ARHGAP18: variants seen among roughly 807,000 people sequenced by gnomAD.
The protein encoded by ARHGAP18 is Rho GTPase activating protein 18.
A neutral mutation model predicts 86.2 loss-of-function variants in ARHGAP18; 67 were observed. The observed-to-expected ratio is 0.78, with a 90% confidence interval of 0.64 to 0.95. The LOEUF (loss-of-function observed/expected upper bound fraction) is 0.95. Ranked by LOEUF, ARHGAP18 falls within the 40% of genes least tolerant of loss-of-function variation. ARHGAP18 has a pLI of 0.00. For synonymous variants in ARHGAP18, 283 were observed against 280.4 expected (o/e 1.01, Z -0.09); for missense variants, 691 against 780.4 (o/e 0.89, Z 1.37).
At chr6:129,612,149 G>A (rs762345216) in intron 7 of ARHGAP18, among the ~76,000 whole-genome samples, 3 of 152,130 alleles carry the variant, frequency 2.0e-5, no homozygotes, top group Non-Finnish European at 4.4e-5. Flanking sequence ...TGAATACGCT[G>A]ATCTAACTCC....
intron 1 of ARHGAP18, among the ~76,000 whole-genome samples, chr6:129,704,919 T>C (rs1774778568): frequency 6.6e-6 from 1 of 152,222 alleles, no homozygotes; most frequent in South Asian, 2.1e-4. Flanking sequence ...TCCTGACCCC[T>C]GCAGTCATGC....
chr6:129,641,425 C>T (rs1276156766), intron 2 of ARHGAP18, among the ~76,000 whole-genome samples: 1 of 152,192 alleles, frequency 6.6e-6, no homozygotes, highest in African/African-American at 2.4e-5. Context: ...TGACTGACCA[C>T]TGGAAAAACA....
intron 3 of ARHGAP18, among the ~76,000 whole-genome samples, chr6:129,636,065 G>C (rs1051126833): frequency 3.9e-5 from 6 of 152,154 alleles, no homozygotes; most frequent in African/African-American, 1.4e-4. Flanking sequence ...CCCTTAGTGA[G>C]GGTTCTCCAA....
intron 12 of ARHGAP18, among the ~76,000 whole-genome samples, chr6:129,593,418 A>G (rs559545675): frequency 6.6e-6 from 1 of 152,288 alleles, no homozygotes; most frequent in Non-Finnish European, 1.5e-5. Context: ...CCATGATTGC[A>G]CCATTGCACT....
intron 1 of ARHGAP18, among the ~76,000 whole-genome samples, chr6:129,694,378 GGAT>G (rs1774578439): frequency 6.6e-6 from 1 of 152,110 alleles, no homozygotes. Flanking sequence ...AGTAAAATGA[GGAT>G]AATACCACCA....
intron 1 of ARHGAP18, among the ~76,000 whole-genome samples, chr6:129,698,207 C>T (rs1774651291): frequency 6.6e-6 from 1 of 152,130 alleles, no homozygotes; most frequent in African/African-American, 2.4e-5. Flanking sequence ...CTAGGCTTAT[C>T]ATTTGTACCT....
Position 129,600,794 on chromosome 6 carries a change from T to C in ARHGAP18, c.1420A>G (p.Thr474Ala). Residue 474 changes from threonine to alanine, a missense_variant, in exon 11 of 15, where the codon ACA (threonine) becomes GCA (alanine). Physicochemically the swap from Thr to Ala is moderately conservative, Grantham distance 58. Coordinates refer to ENST00000368149, the MANE Select transcript of ARHGAP18 (RefSeq NM_033515.3). Reference protein sequence around the residue: ...VIDNKEKNKMTVMNVAMVMAP... With the variant: ...VIDNKEKNKMAVMNVAMVMAP... ...ATGACCATTGCTACATTCATGACTG[T>C]CATTTTATTTTTTTCTTTATTATCT... The C allele has an allele frequency of 1.2e-6, 2 of 1,613,556 alleles. No homozygotes were observed. Among genetic ancestry groups the C allele is most frequent in the Non-Finnish European group, 1.7e-6 (2 of 1,179,748 alleles).
intron 3 of ARHGAP18, among the ~76,000 whole-genome samples, chr6:129,638,051 A>T (rs1562704592): frequency 2.0e-5 from 3 of 152,186 alleles, no homozygotes; most frequent in Non-Finnish European, 2.9e-5. Flanking sequence ...GAATACCCTA[A>T]TCCTACTTTT....
intron 13 of ARHGAP18, among the ~76,000 whole-genome samples, chr6:129,582,720 G>C (rs764355886): frequency 1.3e-5 from 2 of 152,248 alleles, no homozygotes; most frequent in Non-Finnish European, 2.9e-5. Context: ...CCTCCAGCCA[G>C]TGTGGAGAAT....
intron 1 of ARHGAP18, among the ~76,000 whole-genome samples, chr6:129,709,573 A>C: frequency 6.8e-6 from 1 of 147,528 alleles, no homozygotes; most frequent in South Asian, 2.1e-4. Flanking sequence ...GAGAGGGGGG[A>C]AAAAAAACAC....
rs202133790 is a variant in ARHGAP18 at position 129,634,560 on chromosome 6, T to C, written c.553-455A>G. ...TACTATGCTAAGTGAAAGGAACCAG[T>C]CACAAAGAGCCACATATTCTATGAT... On this transcript the variant is annotated intron_variant, in intron 3 of 14. Coordinates refer to ENST00000368149, the MANE Select transcript of ARHGAP18 (RefSeq NM_033515.3). 4.6e-5 allele frequency among the ~76,000 whole-genome samples: 7 copies of C among 151,944 alleles called. 1 individual carries two copies. The East Asian group carries it at 7.7e-4, about 17-fold the overall frequency.
intron 1 of ARHGAP18, 34 bp from the exon 2 acceptor site, chr6:129,642,052 G>C: frequency 6.3e-7 from 1 of 1,585,430 alleles, no homozygotes; most frequent in Non-Finnish European, 8.6e-7. Flanking sequence ...GTTTATTTTA[G>C]TACAAAAGGA....
At chr6:129,650,497 A>G (rs924830671) in intron 1 of ARHGAP18, among the ~76,000 whole-genome samples, 1 of 152,112 alleles carries the variant, frequency 6.6e-6, no homozygotes, top group East Asian at 1.9e-4. Flanking sequence ...GAGCTTGCCA[A>G]ATCTCTCAGG....
rs184253394 is a variant in ARHGAP18 at position 129,625,358 on chromosome 6, T to G, written c.786+3995A>C. ...ATATATATTTATATGTAATATATATTATGTATATTTATATATATTATATAT... is the reference window on the plus strand; with the variant it reads ...ATATATATTTATATGTAATATATATGATGTATATTTATATATATTATATAT... On this transcript the variant is annotated intron_variant, in intron 5 of 14. Transcript: ENST00000368149. Among the ~76,000 whole-genome samples, 126 of 60,476 alleles carry G rather than the reference T, an allele frequency of 2.1e-3. 48 individuals are homozygous for G. The highest frequency in any genetic ancestry group is 0.013 in the African/African-American group (96 of 7,196). The allele number at this position is 60,476 out of a possible 152,430, so 39.7% of individuals were successfully genotyped here.
At chr6:129,659,656 G>A (rs977002301) in intron 1 of ARHGAP18, among the ~76,000 whole-genome samples, 2 of 152,214 alleles carry the variant, frequency 1.3e-5, no homozygotes, top group African/African-American at 4.8e-5. Context: ...ATTTTTAGTA[G>A]AGATGGGGTT....
chr6:129,579,121 G>A (rs1788237007), intron 14 of ARHGAP18, among the ~76,000 whole-genome samples: 1 of 152,092 alleles, frequency 6.6e-6, no homozygotes, highest in Non-Finnish European at 1.5e-5. Context: ...AAAATACTTT[G>A]TATGATAGGC....
At chr6:129,632,589 C>T (rs933033876) in intron 4 of ARHGAP18, among the ~76,000 whole-genome samples, 3 of 152,132 alleles carry the variant, frequency 2.0e-5, no homozygotes, top group Non-Finnish European at 2.9e-5. Context: ...CTCTAGCAGG[C>T]AGGGTAGCTA....
intron 7 of ARHGAP18, among the ~76,000 whole-genome samples, chr6:129,615,411 G>C (rs2114466557): frequency 6.6e-6 from 1 of 152,330 alleles, no homozygotes; most frequent in South Asian, 2.1e-4. Context: ...AGGTTAGTAG[G>C]TAAGACGGAA....
rs1323007797 is a variant in ARHGAP18 at position 129,577,100 on chromosome 6, T to G, written c.*1413A>C. On this transcript the variant is annotated 3_prime_UTR_variant, in exon 15 of 15. Coordinates refer to ENST00000368149, the MANE Select transcript of ARHGAP18 (RefSeq NM_033515.3). ...GTAATGATTCCAAGAGAAGATAATT[T>G]AGAAAAAGGCATTTAATTACAAAAT... 1 of 152,066 alleles carries G rather than the reference T, an allele frequency of 6.6e-6. No individual in the cohort carries two copies. Among genetic ancestry groups the G allele is most frequent in the African/African-American group, 2.4e-5 (1 of 41,422 alleles). 9.4% of individuals were successfully genotyped at this position (152,066 alleles called of 1,614,324 possible).
Sources: allele counts gnomAD v4.1 joint callset (sites outside exome capture counted in the v4.1 genomes callset), GRCh38; gene constraint gnomAD v4.1.1; transcripts MANE v1.5; gene names NCBI Gene and HGNC (gene_info 2026-07-23, HGNC 2026-07-21).